AKAP13: variants seen among roughly 807,000 people sequenced by gnomAD.
AKAP13 encodes A-kinase anchor protein 13.
AKAP13 carries 80 observed loss-of-function variants against 264.5 expected under a neutral mutation model. The observed-to-expected ratio is 0.30, with a 90% CI of 0.25 to 0.36. AKAP13 has a LOEUF of 0.36. AKAP13 is among the 10% of genes least tolerant of loss of function. AKAP13 has a pLI of 1.00. For synonymous variants in AKAP13, 1,380 were observed against 1,250.2 expected (o/e 1.10, Z -2.19); for missense variants, 3,712 against 3,435.2 (o/e 1.08, Z -2.01).
At chr15:85,703,211 C>G (rs1010032147) in intron 17 of AKAP13, among the ~76,000 whole-genome samples, 3 of 152,048 alleles carry the variant, frequency 2.0e-5, no homozygotes, top group Admixed American at 6.5e-5. Context: ...ATTTATAGTT[C>G]ATTGCTTATA....
At chr15:85,585,951 T>C in intron 8 of AKAP13, 128 bp downstream of exon 8, 6 of 1,265,002 alleles carry the variant, frequency 4.7e-6, no homozygotes, top group East Asian at 2.4e-5. Flanking sequence ...TTCCCTCTTG[T>C]GCTGTTATAT....
At chr15:85,481,748 T>TC (rs1211733549) in intron 1 of AKAP13, among the ~76,000 whole-genome samples, 22 of 152,232 alleles carry the variant, frequency 1.4e-4, no homozygotes, top group Admixed American at 1.1e-3. Context: ...TCACAGTCTT[T>TC]AAATACTAGG....
chr15:85,529,256 C>G (rs1311098921), intron 3 of AKAP13, among the ~76,000 whole-genome samples: 1 of 151,978 alleles, frequency 6.6e-6, no homozygotes, highest in Non-Finnish European at 1.5e-5. Context: ...CCCATCTCTA[C>G]AAGAATACAA....
chr15:85,386,637 G>A (rs1297025232), intron 1 of AKAP13, among the ~76,000 whole-genome samples: 1 of 152,084 alleles, frequency 6.6e-6, no homozygotes, highest in African/African-American at 2.4e-5. Context: ...TTTATTATCT[G>A]CTTTGATTTA....
At chr15:85,542,602 AG>A (rs2077610553) in intron 4 of AKAP13, among the ~76,000 whole-genome samples, 1 of 152,234 alleles carries the variant, frequency 6.6e-6, no homozygotes, top group African/African-American at 2.4e-5. Context: ...AGCTAAGCTG[AG>A]GCAGGCACAA....
chr15:85,507,761 A>G (rs1200085962), intron 2 of AKAP13, among the ~76,000 whole-genome samples: 1 of 152,220 alleles, frequency 6.6e-6, no homozygotes. Flanking sequence ...TAGAACTGAC[A>G]TCCCCAAAGC....
At chr15:85,634,014 A>C (rs1224415912) in intron 8 of AKAP13, among the ~76,000 whole-genome samples, 2 of 152,216 alleles carry the variant, frequency 1.3e-5, no homozygotes, top group African/African-American at 4.8e-5. Flanking sequence ...CTGAAGATTC[A>C]GTTCCATTCA....
At position 85,431,906 on chromosome 15, in the gene AKAP13, C is replaced by T. The variant is rs190750165; in HGVS notation, c.-12+51108C>T. 1.6e-4 allele frequency among the ~76,000 whole-genome samples: 25 copies of T among 152,058 alleles called. No individual in the cohort carries two copies. In the East Asian group the frequency reaches 3.7e-3, roughly 22 times the overall value. On this transcript the variant is annotated intron_variant, in intron 1 of 36. Transcript: ENST00000394518. ...TTTTATTTATTTGGAGAGGTTCAGG[C>T]GAAAGAAATGTCAACAGTGGTACAG...
intron 1 of AKAP13, among the ~76,000 whole-genome samples, chr15:85,430,684 T>G (rs2072987896): frequency 6.6e-6 from 1 of 152,228 alleles, no homozygotes; most frequent in South Asian, 2.1e-4. Context: ...CTCTTTGGCC[T>G]TCTTCATTCT....
At chr15:85,565,141 T>G (rs1369488556) in intron 5 of AKAP13, among the ~76,000 whole-genome samples, 1 of 152,166 alleles carries the variant, frequency 6.6e-6, no homozygotes, top group African/African-American at 2.4e-5. Flanking sequence ...TAACACTGTC[T>G]GATGTAGTAG....
At chr15:85,548,176 T>C (rs562422642) in intron 5 of AKAP13, among the ~76,000 whole-genome samples, 11 of 152,370 alleles carry the variant, frequency 7.2e-5, no homozygotes, top group African/African-American at 2.6e-4. Flanking sequence ...AGGCTCCAGC[T>C]AGTGACTAGG....
intron 8 of AKAP13, chr15:85,635,099 G>A (rs889737257): frequency 2.5e-6 from 1 of 398,212 alleles, no homozygotes. Context: ...GGAATGCTAT[G>A]TTGTATGTAA....
At chr15:85,682,910 A>G (rs534365149) in intron 15 of AKAP13, among the ~76,000 whole-genome samples, 2 of 152,274 alleles carry the variant, frequency 1.3e-5, no homozygotes, top group East Asian at 3.9e-4. Flanking sequence ...CAGGTGATCC[A>G]TCTGCCTCAG....
At chr15:85,558,106 A>G (rs983512366) in intron 5 of AKAP13, among the ~76,000 whole-genome samples, 4 of 152,194 alleles carry the variant, frequency 2.6e-5, no homozygotes, top group Admixed American at 2.6e-4. Flanking sequence ...TCTTTGCTTC[A>G]GTGATGAATT....
intron 8 of AKAP13, among the ~76,000 whole-genome samples, chr15:85,617,022 C>T (rs1224604083): frequency 1.4e-4 from 21 of 152,282 alleles, no homozygotes; most frequent in East Asian, 1.9e-4. Flanking sequence ...AAAGGTTAGT[C>T]TTTATGTCTC....
Position 85,718,901 on chromosome 15 carries a change from AAAAAAAACAAAAAAAC to A in AKAP13, c.6002-166_6002-151del. 1 of 907,034 alleles carries A rather than the reference AAAAAAAACAAAAAAAC, an allele frequency of 1.1e-6. No homozygotes were observed. The highest frequency in any genetic ancestry group is 1.8e-5 in the South Asian group (1 of 55,588). The allele number at this position is 907,034 out of a possible 1,614,324, so 56.2% of individuals were successfully genotyped here. ...GTGACAGAGCCAGAACCTGTCTTAA[AAAAAAAACAAAAAAAC>A]AAAAAAACGAGAACACTTTTAGGGG... On this transcript the variant is annotated intron_variant, in intron 22 of 36. Coordinates refer to ENST00000394518, the MANE Select transcript of AKAP13 (RefSeq NM_007200.5). This position sits in a 1 kb window ranked among gnomAD's most constrained non-coding sequence, Gnocchi z 4.9.
chr15:85,641,279 C>T (rs1006887753), intron 9 of AKAP13, among the ~76,000 whole-genome samples: 1 of 151,336 alleles, frequency 6.6e-6, no homozygotes, highest in African/African-American at 2.4e-5. Context: ...ACTCCCATCT[C>T]TACTAAAAAT....
chr15:85,387,193 G>A (rs2070610658), intron 1 of AKAP13, among the ~76,000 whole-genome samples: 1 of 152,010 alleles, frequency 6.6e-6, no homozygotes, highest in Non-Finnish European at 1.5e-5. Flanking sequence ...AAAAATAGCT[G>A]GGCGTGGTGG....
At chr15:85,698,482 A>AAAAT (rs71141477) in intron 17 of AKAP13, among the ~76,000 whole-genome samples, 2 of 149,626 alleles carry the variant, frequency 1.3e-5, no homozygotes, top group South Asian at 2.1e-4. Context: ...AAAAAAAAAA[A>AAAAT]GGAGAGAGAG....
Sources: allele counts gnomAD v4.1 joint callset (sites outside exome capture counted in the v4.1 genomes callset), GRCh38; gene constraint gnomAD v4.1.1; non-coding constraint Gnocchi (gnomAD v3.1); transcripts MANE v1.5; gene names NCBI Gene and HGNC (gene_info 2026-07-23, HGNC 2026-07-21).